The following TRIM24 variants were observed in gnomAD, a reference collection of about 807,000 sequenced individuals.
TRIM24 encodes the protein transcription intermediary factor 1-alpha.
In TRIM24, 29 loss-of-function variants were observed where a neutral mutation model predicts 123.9. The observed-to-expected ratio is 0.23, with a 90% CI of 0.17 to 0.32. The LOEUF (loss-of-function observed/expected upper bound fraction) is 0.32, where lower values mean the gene tolerates loss of function less well. Ranked by LOEUF, TRIM24 falls within the 10% of genes least tolerant of loss-of-function variation. TRIM24 has a pLI of 1.00. For synonymous variants in TRIM24, 456 were observed against 461.1 expected, an observed-to-expected ratio of 0.99 and a Z score of 0.14; for missense variants, 932 against 1,295.3, an observed-to-expected ratio of 0.72 and a Z score of 4.31.
intron 12 of TRIM24, among the ~76,000 whole-genome samples, chr7:138,574,070 G>C (rs931290912): frequency 2.0e-5 from 3 of 152,178 alleles, no homozygotes; most frequent in Non-Finnish European, 4.4e-5. Context: ...ATCATACTAG[G>C]CCTTCTTTAC....
At chr7:138,469,263 TA>T (rs143256892) in intron 1 of TRIM24, among the ~76,000 whole-genome samples, 5,412 of 152,256 alleles carry the variant, frequency 0.036, 147 homozygotes, top group Middle Eastern at 0.082. Flanking sequence ...TTCAAGAAGT[TA>T]AACTATCAAC....
At chr7:138,531,203 ATGTATACG>A (rs1243720323) in intron 6 of TRIM24, among the ~76,000 whole-genome samples, 4 of 126,482 alleles carry the variant, frequency 3.2e-5, no homozygotes, top group Non-Finnish European at 6.8e-5. Flanking sequence ...ACATGTATAC[ATGTATACG>A]TGTATGTTAC....
intron 9 of TRIM24, among the ~76,000 whole-genome samples, chr7:138,556,970 G>T (rs1563058847): frequency 6.6e-6 from 1 of 152,192 alleles, no homozygotes; most frequent in Non-Finnish European, 1.5e-5. Context: ...CAGAACAAAG[G>T]CAGTTTGAAT....
intron 7 of TRIM24, 57 bp downstream of exon 7, chr7:138,538,860 C>T: frequency 2.1e-6 from 3 of 1,452,306 alleles, no homozygotes; most frequent in Non-Finnish European, 2.8e-6. Context: ...AACAATGGAG[C>T]CATTGTAATG....
intron 1 of TRIM24, among the ~76,000 whole-genome samples, chr7:138,463,057 T>TTG (rs1327180211): frequency 1.4e-5 from 2 of 143,326 alleles, no homozygotes; most frequent in Non-Finnish European, 3.0e-5. Flanking sequence ...TTTTTTTTTT[T>TTG]TTTTTTTTTT....
intron 1 of TRIM24, among the ~76,000 whole-genome samples, chr7:138,500,498 G>A (rs553235306): frequency 6.6e-6 from 1 of 151,298 alleles, no homozygotes; most frequent in East Asian, 1.9e-4. Context: ...GAGAGGTGGA[G>A]GCTACAGTGA....
intron 9 of TRIM24, among the ~76,000 whole-genome samples, chr7:138,566,775 C>T (rs1797544057): frequency 6.6e-6 from 1 of 152,064 alleles, no homozygotes; most frequent in Non-Finnish European, 1.5e-5. Flanking sequence ...ATGTAAAATG[C>T]CTGCCAGGGC....
rs2116705111 is a variant in TRIM24 at position 138,587,810 on chromosome 7, C to T, written c.*2859C>T. ...ACTGACTTTTCCTGTGTAAGGAAGC[C>T]CAAGTACTTGACCAGTGATATATAT... On this transcript the variant is annotated 3_prime_UTR_variant, in exon 19 of 19. Coordinates refer to ENST00000343526, the MANE Select transcript of TRIM24 (RefSeq NM_015905.3). 6.6e-6 allele frequency: 1 copy of T among 152,260 alleles called. No homozygotes were observed. Among genetic ancestry groups the T allele is most frequent in the East Asian group, 1.9e-4 (1 of 5,176 alleles). 9.4% of individuals were successfully genotyped at this position (152,260 alleles called of 1,614,324 possible).
chr7:138,506,965 T>C (rs1216926052), intron 2 of TRIM24, among the ~76,000 whole-genome samples: 2 of 151,974 alleles, frequency 1.3e-5, no homozygotes, highest in African/African-American at 2.4e-5. Context: ...ATATGCCTGA[T>C]TGGGTGTGGA....
At chr7:138,557,143 G>C (rs957158498) in intron 9 of TRIM24, among the ~76,000 whole-genome samples, 12 of 152,174 alleles carry the variant, frequency 7.9e-5, no homozygotes, top group African/African-American at 2.7e-4. Context: ...AGTGGGTGTT[G>C]GGAGAGTCTC....
At chr7:138,495,110 T>C (rs1323648483) in intron 1 of TRIM24, among the ~76,000 whole-genome samples, 2 of 152,126 alleles carry the variant, frequency 1.3e-5, no homozygotes, top group Non-Finnish European at 2.9e-5. Flanking sequence ...AAAAGAAATA[T>C]TCGCATACCA....
chr7:138,460,365 GGGAGGCGGATCCCGTGGGCCTGA>G lies in TRIM24; in HGVS notation c.-177_-155del, dbSNP rs1330797220. 7.7e-6 allele frequency: 4 copies of G among 519,916 alleles called. No individual in the cohort carries two copies. The highest frequency in any genetic ancestry group is 5.3e-4 in the Middle Eastern group (1 of 1,890). 32.2% of individuals were successfully genotyped at this position (519,916 alleles called of 1,614,324 possible). On this transcript the variant is annotated 5_prime_UTR_variant, in exon 1 of 19. Coordinates refer to ENST00000343526, the MANE Select transcript of TRIM24 (RefSeq NM_015905.3). Reference sequence around the variant, plus strand: ...TACCCTCCTTCCGGCCGCGCCACTCGGGAGGCGGATCCCGTGGGCCTGAGGAGGCTTCCCCCGCCCGGTTTGCT... The same window carrying G: ...TACCCTCCTTCCGGCCGCGCCACTCGGGAGGCTTCCCCCGCCCGGTTTGCT...
intron 2 of TRIM24, among the ~76,000 whole-genome samples, chr7:138,505,678 A>G (rs1796138863): frequency 6.6e-6 from 1 of 152,174 alleles, no homozygotes. Context: ...CTGGGACTAC[A>G]GCTTTATGCC....
At chr7:138,548,524 G>T (rs1051694643) in intron 7 of TRIM24, among the ~76,000 whole-genome samples, 2 of 152,100 alleles carry the variant, frequency 1.3e-5, no homozygotes, top group Non-Finnish European at 2.9e-5. Flanking sequence ...AATGATGAAT[G>T]ACTGTGAAGG....
Position 138,585,029 on chromosome 7 carries a change from C to A in TRIM24, c.*78C>A. On this transcript the variant is annotated 3_prime_UTR_variant, in exon 19 of 19. Transcript: ENST00000343526. ...AACATTTGTCAGTAATTTAACATCACTACAAAAAGAAGAGTTTGTGACTAT... is the reference window on the plus strand; with the variant it reads ...AACATTTGTCAGTAATTTAACATCAATACAAAAAGAAGAGTTTGTGACTAT... 2 of 1,268,790 alleles carry A rather than the reference C, an allele frequency of 1.6e-6. No homozygotes were observed. Among genetic ancestry groups the A allele is most frequent in the South Asian group, 1.5e-5 (1 of 66,718 alleles). 78.6% of individuals were successfully genotyped at this position (1,268,790 alleles called of 1,614,324 possible).
chr7:138,564,243 T>G (rs1227324622), intron 9 of TRIM24, among the ~76,000 whole-genome samples: 1 of 152,128 alleles, frequency 6.6e-6, no homozygotes. Context: ...CGTGTCTCCC[T>G]AAGAGGCATT....
rs1453242407 is a variant in TRIM24 at position 138,586,822 on chromosome 7, T to C, written c.*1871T>C. On this transcript the variant is annotated 3_prime_UTR_variant, in exon 19 of 19. Transcript: ENST00000343526. ...TATTCTTCCATACTTGTCTCCCAAG[T>C]TAAAACAGAGCAAAACAGATAAATT... 6.6e-6 allele frequency: 1 copy of C among 152,184 alleles called. No homozygotes were observed. The highest frequency in any genetic ancestry group is 1.5e-5 in the Non-Finnish European group (1 of 68,022). The allele number at this position is 152,184 out of a possible 1,614,324, so 9.4% of individuals were successfully genotyped here.
intron 11 of TRIM24, among the ~76,000 whole-genome samples, chr7:138,571,503 G>A (rs1347935728): frequency 6.6e-6 from 1 of 152,174 alleles, no homozygotes; most frequent in African/African-American, 2.4e-5. Flanking sequence ...TGATTATGGT[G>A]ATGGATCATG....
At chr7:138,514,471 G>A (rs1432945848) in intron 2 of TRIM24, 1 of 152,158 alleles carries the variant, frequency 6.6e-6, no homozygotes, top group African/African-American at 2.4e-5. Context: ...GTCTTCCCCT[G>A]AATCGCACCA....
Sources: allele counts gnomAD v4.1 joint callset (sites outside exome capture counted in the v4.1 genomes callset), GRCh38; gene constraint gnomAD v4.1.1; transcripts MANE v1.5; gene names NCBI Gene and HGNC (gene_info 2026-07-23, HGNC 2026-07-21).